Variants in PIK3R3 observed in about 807,000 individuals in gnomAD.
PIK3R3 encodes the protein phosphatidylinositol 3-kinase regulatory subunit gamma.
In PIK3R3, 64 loss-of-function variants were observed where a neutral mutation model predicts 62.9. That is an observed-to-expected ratio of 1.02 (90% CI 0.83 to 1.25). PIK3R3 has a LOEUF of 1.25. Ranked by LOEUF, PIK3R3 falls within the 50% of genes most tolerant of loss-of-function variation. PIK3R3 has a pLI of 0.00. For synonymous variants in PIK3R3, 165 were observed against 189.0 expected (o/e 0.87, Z 1.04); for missense variants, 614 against 561.6 (o/e 1.09, Z -0.94).
At chr1:46,119,324 T>C (rs968242287) in intron 1 of PIK3R3, among the ~76,000 whole-genome samples, 3 of 152,240 alleles carry the variant, frequency 2.0e-5, no homozygotes, top group African/African-American at 7.2e-5. Context: ...TACTATGTTC[T>C]AGGTACCACA....
chr1:46,130,628 A>G (rs555892924), intron 1 of PIK3R3, among the ~76,000 whole-genome samples: 2 of 152,290 alleles, frequency 1.3e-5, no homozygotes, highest in African/African-American at 2.4e-5. Flanking sequence ...CATACCTTCT[A>G]TAAGACAGTT....
intron 5 of PIK3R3, among the ~76,000 whole-genome samples, chr1:46,064,896 G>A (rs952966936): frequency 6.6e-6 from 1 of 151,762 alleles, no homozygotes; most frequent in African/African-American, 2.4e-5. Flanking sequence ...TAAACTGAAA[G>A]CAAGCAGAAA....
rs1415703890 is a variant in PIK3R3, at chr1:46,131,841, A to C, written c.106+6T>G. On this transcript the variant is annotated splice_donor_region_variant and intron_variant, in intron 1 of 9. Transcript: ENST00000262741. Reference sequence around the variant, plus strand: ...ACGAGATTCTTTTTTTTTTTCTCCCAAGTACCTGGAGGATCCATTTCAATA... The same window carrying C: ...ACGAGATTCTTTTTTTTTTTCTCCCCAGTACCTGGAGGATCCATTTCAATA... The C allele has an allele frequency of 1.2e-6, 2 of 1,610,284 alleles. No individual in the cohort carries two copies. The highest frequency in any genetic ancestry group is 2.2e-5 in the South Asian group (2 of 90,990).
At chr1:46,169,903 T>C in the PIK3R3 span, among the ~76,000 whole-genome samples, 1 of 152,150 alleles carries the variant, frequency 6.6e-6, no homozygotes, top group East Asian at 1.9e-4. Flanking sequence ...AGGGTCCCCA[T>C]ACAAATTTTG....
intron 9 of PIK3R3, among the ~76,000 whole-genome samples, chr1:46,045,644 T>TTTTTTTTTTA (rs370501368): frequency 2.4e-5 from 2 of 82,680 alleles, no homozygotes; most frequent in East Asian, 4.6e-4. Context: ...TTTTTTTTTT[T>TTTTTTTTTTA]CAATTTAAGA....
chr1:46,091,483 T>TACACACAC (rs111759714), intron 1 of PIK3R3, among the ~76,000 whole-genome samples: 2 of 149,626 alleles, frequency 1.3e-5, no homozygotes, highest in African/African-American at 2.5e-5. Context: ...CACACACACA[T>TACACACAC]ACACACACAC....
At chr1:46,066,790 GTAAA>G in intron 4 of PIK3R3, 117 bp downstream of exon 4, 3 of 834,852 alleles carry the variant, frequency 3.6e-6, no homozygotes, top group Non-Finnish European at 5.9e-6. Flanking sequence ...CTGTCTCAAA[GTAAA>G]TAAATAAATA....
chr1:46,148,112 A>G, the PIK3R3 span, among the ~76,000 whole-genome samples: 1 of 152,190 alleles, frequency 6.6e-6, no homozygotes, highest in African/African-American at 2.4e-5. Context: ...AGGTCTTCTC[A>G]TGGCCTGTGC....
chr1:46,071,712 A>AAAAAAAAAAAT (rs1472807815), intron 3 of PIK3R3, among the ~76,000 whole-genome samples: 251 of 24,588 alleles, frequency 0.01, 15 homozygotes, highest in Non-Finnish European at 0.014. Flanking sequence ...AAAAAAAAAA[A>AAAAAAAAAAAT]ATATATATAT....
Position 46,067,119 on chromosome 1 carries a change from AT to A in PIK3R3, c.315-29del, listed in dbSNP as rs745572630. ...GTGAACAACAAGACAACAACTGTGG[AT>A]TTTTTTCCCCCAAATTCAACTGAAC... On this transcript the variant is annotated intron_variant, in intron 3 of 9. Coordinates refer to ENST00000262741, the MANE Select transcript of PIK3R3 (RefSeq NM_003629.4). 20 of 1,500,572 alleles carry A rather than the reference AT, an allele frequency of 1.3e-5. No individual in the cohort carries two copies. In the South Asian group the frequency reaches 1.6e-4, roughly 12 times the overall value. The allele number at this position is 1,500,572 out of a possible 1,614,324, so 93.0% of individuals were successfully genotyped here.
chr1:46,125,277 A>G (rs1319248280), intron 1 of PIK3R3, among the ~76,000 whole-genome samples: 2 of 152,186 alleles, frequency 1.3e-5, no homozygotes, highest in Non-Finnish European at 2.9e-5. Flanking sequence ...TTTTTCAATA[A>G]GAAGACAAAA....
chr1:46,046,900 A>G (rs1028854791), intron 7 of PIK3R3: 2 of 515,768 alleles, frequency 3.9e-6, no homozygotes, highest in Non-Finnish European at 6.9e-6. Flanking sequence ...AGGATGTGCC[A>G]CCACAAGCAC....
chr1:46,116,336 C>T (rs948977887), intron 1 of PIK3R3, among the ~76,000 whole-genome samples: 3 of 151,674 alleles, frequency 2.0e-5, no homozygotes, highest in Admixed American at 6.6e-5. Flanking sequence ...CACAGTGAGA[C>T]GCCGTCTCTA....
chr1:46,068,694 T>C (rs1420007099), intron 3 of PIK3R3, among the ~76,000 whole-genome samples: 1 of 152,146 alleles, frequency 6.6e-6, no homozygotes, highest in Non-Finnish European at 1.5e-5. Context: ...GGTAAGGGCA[T>C]GCTTGGCATG....
At chr1:46,067,142 G>A (rs775398227) in intron 3 of PIK3R3, 51 bp from the exon 4 acceptor site, 60 of 1,358,494 alleles carry the variant, frequency 4.4e-5, no homozygotes, top group Non-Finnish European at 5.3e-5. Flanking sequence ...AAATTCAACT[G>A]AACTACTGCT....
intron 1 of PIK3R3, chr1:46,104,949 A>AC (rs1394900161): frequency 5.4e-5 from 29 of 539,548 alleles, no homozygotes; most frequent in African/African-American, 2.8e-4. Flanking sequence ...AAAAAAAAAA[A>AC]ACACACACTA....
intron 1 of PIK3R3, chr1:46,105,057 T>C (rs1172180698): frequency 1.3e-6 from 1 of 750,200 alleles, no homozygotes; most frequent in Non-Finnish European, 2.5e-6. Context: ...AATGCTGTAT[T>C]AGCTAGTGGA....
At chr1:46,058,863 T>G (rs1344873695) in intron 6 of PIK3R3, among the ~76,000 whole-genome samples, 1 of 152,198 alleles carries the variant, frequency 6.6e-6, no homozygotes, top group Non-Finnish European at 1.5e-5. Context: ...TTTGGGGGAC[T>G]GTTGGGAATG....
intron 1 of PIK3R3, among the ~76,000 whole-genome samples, chr1:46,099,112 G>C (rs1165037091): frequency 6.6e-6 from 1 of 152,040 alleles, no homozygotes; most frequent in Non-Finnish European, 1.5e-5. Context: ...CCACTGATGT[G>C]GTTAAAAACA....
Sources: gnomAD v4.1 joint callset for allele counts (sites outside exome capture counted in the v4.1 genomes callset) on GRCh38, gnomAD v4.1.1 for gene constraint, MANE v1.5 for transcripts, NCBI Gene and HGNC (gene_info 2026-07-23, HGNC 2026-07-21) for gene names.